BRINP2: variants seen among roughly 807,000 people sequenced by gnomAD.
BRINP2 encodes the protein BMP/retinoic acid inducible neural specific 2.
Under a neutral mutation model 69.2 loss-of-function variants are expected in BRINP2, and 21 were observed. The observed-to-expected ratio is 0.30, with a 90% CI of 0.22 to 0.44. The LOEUF (loss-of-function observed/expected upper bound fraction) is 0.44, where lower values mean the gene tolerates loss of function less well. Ranked by LOEUF, BRINP2 falls within the 20% of genes least tolerant of loss-of-function variation. The pLI, the probability that BRINP2 is intolerant of heterozygous loss-of-function variation, is 1.00. For synonymous variants in BRINP2, 380 were observed against 394.1 expected, an observed-to-expected ratio of 0.96 and a Z score of 0.42; for missense variants, 877 against 986.0, an observed-to-expected ratio of 0.89 and a Z score of 1.48.
At chr1:177,250,233 C>T (rs1009514262) in intron 2 of BRINP2, among the ~76,000 whole-genome samples, 5 of 152,148 alleles carry the variant, frequency 3.3e-5, no homozygotes, top group Admixed American at 3.3e-4. Flanking sequence ...GAGTTGATAG[C>T]CCACTGTAAT....
In BRINP2 at chr1:177,240,202, T is replaced by C. The variant is rs962676762; in HGVS notation, c.269+10057T>C. The stretch of plus-strand genomic sequence containing the variant: ...AAGGAGGGATAGGAAGAAAGTCTCT[T>C]TGGGGAGTGAGTTCTCCTGGATCCA... On this transcript the variant is annotated intron_variant, in intron 2 of 7. Transcript: ENST00000361539. Among the ~76,000 whole-genome samples the C allele has an allele frequency of 2.6e-5, 4 of 152,174 alleles. No individual in the cohort carries two copies. In the East Asian group the frequency reaches 7.7e-4, roughly 29 times the overall value.
At chr1:177,243,357 A>G (rs558093169) in intron 2 of BRINP2, among the ~76,000 whole-genome samples, 67 of 152,218 alleles carry the variant, frequency 4.4e-4, no homozygotes, top group Non-Finnish European at 8.2e-4. Context: ...AAAATAAATC[A>G]TTAACAGTGA....
At chr1:177,236,758 C>T (rs1459999021) in intron 2 of BRINP2, among the ~76,000 whole-genome samples, 1 of 152,120 alleles carries the variant, frequency 6.6e-6, no homozygotes. Context: ...CATGGGAGCA[C>T]TAGATGTGGT....
intron 1 of BRINP2, among the ~76,000 whole-genome samples, chr1:177,209,269 C>T (rs950217833): frequency 5.9e-5 from 9 of 151,846 alleles, no homozygotes; most frequent in African/African-American, 2.2e-4. Context: ...ATTGAAACTT[C>T]AGGGATCGAC....
intron 1 of BRINP2, among the ~76,000 whole-genome samples, chr1:177,201,921 A>G (rs1648924638): frequency 6.6e-6 from 1 of 152,154 alleles, no homozygotes; most frequent in Admixed American, 6.5e-5. Context: ...TTCCTGGTTT[A>G]GTCTTGGGAG....
chr1:177,176,615 G>A (rs1369338020), intron 1 of BRINP2, among the ~76,000 whole-genome samples: 2 of 151,546 alleles, frequency 1.3e-5, no homozygotes, highest in Non-Finnish European at 2.9e-5. Context: ...AAAAGGTGCA[G>A]AGGCATGAAA....
chr1:177,192,115 A>T (rs1648612794), intron 1 of BRINP2, among the ~76,000 whole-genome samples: 1 of 152,218 alleles, frequency 6.6e-6, no homozygotes, highest in Non-Finnish European at 1.5e-5. Flanking sequence ...TTCACAGTGG[A>T]GCGATTATTC....
chr1:177,209,866 A>G (rs919805963), intron 1 of BRINP2, among the ~76,000 whole-genome samples: 5 of 152,242 alleles, frequency 3.3e-5, no homozygotes, highest in Admixed American at 1.3e-4. Flanking sequence ...ATCGCTTTAT[A>G]GAAAATTTGG....
intron 2 of BRINP2, among the ~76,000 whole-genome samples, chr1:177,248,747 G>C (rs1650477558): frequency 6.6e-6 from 1 of 152,164 alleles, no homozygotes. Flanking sequence ...ATTTCTTGTT[G>C]ACCTTGTGTA....
intron 2 of BRINP2, among the ~76,000 whole-genome samples, chr1:177,234,186 C>A (rs777928627): frequency 2.0e-5 from 3 of 152,182 alleles, no homozygotes; most frequent in Non-Finnish European, 4.4e-5. Context: ...GCAATAAACG[C>A]TTAGAGACCA....
chr1:177,183,310 G>A (rs770568103), intron 1 of BRINP2, among the ~76,000 whole-genome samples: 2 of 151,278 alleles, frequency 1.3e-5, no homozygotes, highest in Non-Finnish European at 2.9e-5. Context: ...TATGGTTCAT[G>A]TGATATGACA....
intron 1 of BRINP2, among the ~76,000 whole-genome samples, chr1:177,172,397 GTC>G (rs1375748676): frequency 2.6e-5 from 4 of 152,192 alleles, no homozygotes; most frequent in Non-Finnish European, 2.9e-5. Flanking sequence ...GCAGATCTCT[GTC>G]TCTGTTTTTG....
intron 7 of BRINP2, 28 bp from the exon 8 acceptor site, chr1:177,280,384 T>G (rs1651649843): frequency 6.4e-7 from 1 of 1,558,728 alleles, no homozygotes; most frequent in Non-Finnish European, 8.7e-7. Flanking sequence ...CTTTTGACTC[T>G]TACTTCATTT....
At chr1:177,220,826 A>T (rs918808721) in intron 1 of BRINP2, among the ~76,000 whole-genome samples, 5 of 152,146 alleles carry the variant, frequency 3.3e-5, no homozygotes, top group African/African-American at 7.2e-5. Context: ...GGATTGGCCC[A>T]TGGTGGAGGA....
intron 1 of BRINP2, among the ~76,000 whole-genome samples, 181 bp downstream of exon 1, chr1:177,171,913 T>A (rs2102282140): frequency 6.6e-6 from 1 of 152,232 alleles, no homozygotes; most frequent in South Asian, 2.1e-4. Flanking sequence ...GCAATGGACT[T>A]TGGGGTTGAG....
intron 1 of BRINP2, among the ~76,000 whole-genome samples, chr1:177,217,377 A>G (rs1558163209): frequency 2.0e-5 from 3 of 152,080 alleles, no homozygotes; most frequent in Non-Finnish European, 4.4e-5. Context: ...TTCTTTGTCA[A>G]ACTTCTCCTG....
In BRINP2 at chr1:177,171,434, A is replaced by G; in HGVS notation, c.-375A>G. The stretch of plus-strand genomic sequence containing the variant: ...GATCCTGGCTGCTCAGCGGGAAGGC[A>G]GCAGGCAAGTGGTCTAACGTTGGCG... On this transcript the variant is annotated 5_prime_UTR_variant, in exon 1 of 8. Transcript: ENST00000361539. The G allele has an allele frequency of 6.3e-6, 1 of 157,892 alleles. No individual in the cohort carries two copies. The highest frequency in any genetic ancestry group is 1.4e-5 in the Non-Finnish European group (1 of 71,710). The allele number at this position is 157,892 out of a possible 1,614,324, so 9.8% of individuals were successfully genotyped here. A position where few individuals can be genotyped will look rare whatever the true frequency, so the allele number is the denominator to read the frequency against.
At chr1:177,183,193 T>C (rs1017450650) in intron 1 of BRINP2, among the ~76,000 whole-genome samples, 11 of 143,786 alleles carry the variant, frequency 7.7e-5, no homozygotes, top group African/African-American at 2.5e-4. Flanking sequence ...TAGATGTATC[T>C]CACAAATGCA....
chr1:177,262,879 G>A (rs556461900), intron 4 of BRINP2, among the ~76,000 whole-genome samples: 147 of 152,266 alleles, frequency 9.7e-4, no homozygotes, highest in Non-Finnish European at 1.7e-3. Context: ...GTAGCACTGA[G>A]AGCCCGCTTC....
Sources: allele counts gnomAD v4.1 joint callset (sites outside exome capture counted in the v4.1 genomes callset), GRCh38; gene constraint gnomAD v4.1.1; transcripts MANE v1.5; gene names NCBI Gene and HGNC (gene_info 2026-07-23, HGNC 2026-07-21).